The following UBE2H variants were observed in gnomAD, a reference collection of about 807,000 sequenced individuals.
UBE2H encodes ubiquitin-conjugating enzyme E2 H.
In UBE2H, 3 loss-of-function variants were observed where a neutral mutation model predicts 29.0. That is an observed-to-expected ratio of 0.10 (90% CI 0.05 to 0.27). The LOEUF is 0.27. Among genes scored for constraint, UBE2H ranks in the 10% least tolerant of loss-of-function variants. The pLI is 1.00. For missense variants in UBE2H, 68 were observed against 228.2 expected (o/e 0.30, Z 4.52); for synonymous variants, 69 against 82.9 (o/e 0.83, Z 0.91).
At chr7:129,940,101 G>C (rs1807611859) in intron 1 of UBE2H, among the ~76,000 whole-genome samples, 1 of 152,108 alleles carries the variant, frequency 6.6e-6, no homozygotes, top group Admixed American at 6.6e-5. Context: ...ACACAAACCA[G>C]ACACGCACTC....
intron 3 of UBE2H, among the ~76,000 whole-genome samples, chr7:129,861,047 C>T (rs1301972804): frequency 1.3e-5 from 2 of 151,932 alleles, no homozygotes; most frequent in East Asian, 3.9e-4. Flanking sequence ...CATGGTGAAA[C>T]CCTGTCTCTA....
intron 6 of UBE2H, among the ~76,000 whole-genome samples, chr7:129,836,378 G>C (rs955594426): frequency 3.3e-5 from 5 of 152,176 alleles, no homozygotes; most frequent in Admixed American, 3.3e-4. Flanking sequence ...GGAAGAGCAA[G>C]GTCACCAATG....
chr7:129,876,778 C>T (rs1198016204), intron 3 of UBE2H, among the ~76,000 whole-genome samples: 1 of 152,144 alleles, frequency 6.6e-6, no homozygotes, highest in African/African-American at 2.4e-5. Flanking sequence ...TCATAACCTC[C>T]CAAGGTGTCT....
intron 1 of UBE2H, among the ~76,000 whole-genome samples, chr7:129,889,640 A>G (rs749634975): frequency 2.6e-5 from 4 of 152,146 alleles, no homozygotes; most frequent in Non-Finnish European, 5.9e-5. Flanking sequence ...TAAGAGCAGG[A>G]ATTGTTTATT....
At chr7:129,846,992 A>C (rs1805522458) in intron 5 of UBE2H, among the ~76,000 whole-genome samples, 1 of 152,044 alleles carries the variant, frequency 6.6e-6, no homozygotes, top group Non-Finnish European at 1.5e-5. Context: ...TACCCCGGGA[A>C]GCCGTCATCC....
At chr7:129,887,899 AC>A (rs1806396669) in intron 1 of UBE2H, among the ~76,000 whole-genome samples, 4 of 152,242 alleles carry the variant, frequency 2.6e-5, no homozygotes, top group African/African-American at 9.6e-5. Flanking sequence ...ACAAAACAAA[AC>A]AAAAGCAAAA....
chr7:129,858,778 C>T (rs1805750959), intron 4 of UBE2H, 124 bp downstream of exon 4: 1 of 794,220 alleles, frequency 1.3e-6, no homozygotes, highest in African/African-American at 1.8e-5. Context: ...ATTTACATGA[C>T]CATTCATACA....
At chr7:129,852,195 C>T (rs1805622690) in intron 5 of UBE2H, among the ~76,000 whole-genome samples, 1 of 152,182 alleles carries the variant, frequency 6.6e-6, no homozygotes, top group Admixed American at 6.5e-5. Context: ...ACTAATCCAG[C>T]ATAAAGCATT....
chr7:129,839,437 G>A (rs1005243446), intron 5 of UBE2H, 102 bp from the exon 6 acceptor site: 87 of 1,509,366 alleles, frequency 5.8e-5, no homozygotes, highest in South Asian at 2.6e-4. Flanking sequence ...ATATTCACAC[G>A]GGGATGATTC....
chr7:129,877,854 A>G (rs527599223), intron 3 of UBE2H, among the ~76,000 whole-genome samples: 43 of 152,330 alleles, frequency 2.8e-4, no homozygotes, highest in Non-Finnish European at 5.7e-4. Flanking sequence ...TTTCTACAGG[A>G]TATGAAATTG....
chr7:129,947,467 G>C (rs1482428462), intron 1 of UBE2H, among the ~76,000 whole-genome samples: 1 of 152,144 alleles, frequency 6.6e-6, no homozygotes, highest in Non-Finnish European at 1.5e-5. Flanking sequence ...TCTACCCTTT[G>C]AACACAAATT....
intron 1 of UBE2H, among the ~76,000 whole-genome samples, chr7:129,934,623 G>A (rs1325317437): frequency 8.3e-6 from 1 of 120,920 alleles, no homozygotes; most frequent in African/African-American, 3.2e-5. Flanking sequence ...GGGCGACAGA[G>A]CAAGACTCCG....
chr7:129,922,139 C>T (rs1807176263), intron 1 of UBE2H, among the ~76,000 whole-genome samples: 1 of 151,684 alleles, frequency 6.6e-6, no homozygotes, highest in Admixed American at 6.6e-5. Context: ...GTGCACCAGC[C>T]ACCACGCCTG....
At position 129,902,553 on chromosome 7, in the gene UBE2H, G is replaced by A. The variant is rs114792256; in HGVS notation, c.54-21582C>T. The stretch of plus-strand genomic sequence containing the variant: ...GAGAATAAGGGAGGCTCCATGGGAC[G>A]GGGGAAGGCTTTGGAGTAGAGCAAA... On this transcript the variant is annotated intron_variant, in intron 1 of 6. Transcript: ENST00000355621. 4.8e-3 allele frequency among the ~76,000 whole-genome samples: 729 copies of A among 152,292 alleles called. 6 individuals carry two copies. The highest frequency in any genetic ancestry group is 0.017 in the African/African-American group (702 of 41,564).
At chr7:129,892,300 G>C (rs1384707815) in intron 1 of UBE2H, among the ~76,000 whole-genome samples, 1 of 151,378 alleles carries the variant, frequency 6.6e-6, no homozygotes. Context: ...CGCACAGGCT[G>C]GTGTGCGGTA....
chr7:129,950,336 G>T (rs1036251876), intron 1 of UBE2H, among the ~76,000 whole-genome samples: 1 of 152,102 alleles, frequency 6.6e-6, no homozygotes, highest in Non-Finnish European at 1.5e-5. Flanking sequence ...GAAGGCCAAT[G>T]CATCTTTGCC....
chr7:129,867,724 C>CAAAAAAAAAAAAAAAAAAA (rs1473451530), intron 3 of UBE2H, among the ~76,000 whole-genome samples: 5 of 31,182 alleles, frequency 1.6e-4, no homozygotes, highest in Admixed American at 4.3e-4. Flanking sequence ...AAAAGAAAAC[C>CAAAAAAAAAAAAAAAAAAA]AAAAAAAAAA....
rs1280279157 is a variant in UBE2H, at chr7:129,830,918, A to G, written c.*4019T>C. The G allele has an allele frequency of 6.6e-6, 1 of 150,996 alleles. No individual in the cohort carries two copies. Among genetic ancestry groups the G allele is most frequent in the Non-Finnish European group, 1.5e-5 (1 of 67,876 alleles). The allele number at this position is 150,996 out of a possible 1,614,324, so 9.4% of individuals were successfully genotyped here. On this transcript the variant is annotated 3_prime_UTR_variant, in exon 7 of 7. Transcript: ENST00000355621. The stretch of plus-strand genomic sequence containing the variant: ...GGAAAAATAAGCGATAAAAAGCTTC[A>G]GATTTCAGTTAGGGGCTGGCAGTCC...
At chr7:129,841,500 T>C (rs1033893402) in intron 5 of UBE2H, among the ~76,000 whole-genome samples, 2 of 152,238 alleles carry the variant, frequency 1.3e-5, no homozygotes, top group African/African-American at 4.8e-5. Flanking sequence ...ACTCAAAATA[T>C]GGCCAGTGTG....
Sources: allele counts gnomAD v4.1 joint callset (sites outside exome capture counted in the v4.1 genomes callset), GRCh38; gene constraint gnomAD v4.1.1; transcripts MANE v1.5; gene names NCBI Gene and HGNC (gene_info 2026-07-23, HGNC 2026-07-21).